DLC1: variants seen among roughly 807,000 people sequenced by gnomAD.
The protein encoded by DLC1 is DLC1 Rho GTPase activating protein.
A neutral mutation model predicts 140.3 loss-of-function variants in DLC1; 54 were observed. The observed-to-expected ratio is 0.38, with a 90% CI of 0.31 to 0.48. The LOEUF is 0.48. DLC1 is among the 20% of genes least tolerant of loss of function. The pLI is 0.96. For missense variants in DLC1, 2,536 were observed against 1,907.0 expected (o/e 1.33, Z -6.14); for synonymous variants, 986 against 728.1 (o/e 1.35, Z -5.70).
rs1832908305 is a variant in DLC1 at position 13,317,567 on chromosome 8, G to A, written c.1315-12265C>T. ...GAAAAGATAGAGACGAAATGGCTAT[G>A]GTCAGTATTTTTTTGACCAATATCA... On this transcript the variant is annotated intron_variant, in intron 4 of 17. Transcript: ENST00000276297. Among the ~76,000 whole-genome samples the A allele has an allele frequency of 2.0e-5, 3 of 152,092 alleles. No individual in the cohort carries two copies. The South Asian group carries it at 6.2e-4, about 32-fold the overall frequency.
intron 2 of DLC1, among the ~76,000 whole-genome samples, chr8:13,474,214 G>T (rs1800338275): frequency 6.6e-6 from 1 of 152,170 alleles, no homozygotes; most frequent in South Asian, 2.1e-4. Context: ...TGAATAAGAG[G>T]AGCCAAGGTA....
At chr8:13,542,445 T>C (rs932750167) in intron 1 of DLC1, among the ~76,000 whole-genome samples, 4 of 152,314 alleles carry the variant, frequency 2.6e-5, no homozygotes, top group South Asian at 2.1e-4. Flanking sequence ...GTCTTGACTA[T>C]TGTAACTGTA....
chr8:13,264,052 TTTTATTTATTTA>T (rs3065458), intron 5 of DLC1, among the ~76,000 whole-genome samples: 3 of 143,034 alleles, frequency 2.1e-5, no homozygotes, highest in South Asian at 2.3e-4. Context: ...ATAAGAAGCT[TTTTATTTATTTA>T]TTTATTTATT....
intron 1 of DLC1, among the ~76,000 whole-genome samples, chr8:13,524,289 C>T (rs1232637628): frequency 1.3e-5 from 2 of 151,674 alleles, no homozygotes; most frequent in African/African-American, 4.8e-5. Flanking sequence ...AGGTACCCAC[C>T]ACCATACCAA....
chr8:13,183,345 A>G (rs906955202), intron 5 of DLC1, among the ~76,000 whole-genome samples: 5 of 152,152 alleles, frequency 3.3e-5, no homozygotes, highest in Admixed American at 6.5e-5. Context: ...AGAACTTCCA[A>G]CACTAGGTTG....
intron 1 of DLC1, among the ~76,000 whole-genome samples, chr8:13,548,784 A>T (rs1803743129): frequency 6.6e-6 from 1 of 152,004 alleles, no homozygotes; most frequent in African/African-American, 2.4e-5. Flanking sequence ...AATCAAGCTT[A>T]TTTGGGTTGG....
intron 5 of DLC1, among the ~76,000 whole-genome samples, chr8:13,187,714 C>G (rs758857368): frequency 6.6e-6 from 1 of 152,150 alleles, no homozygotes; most frequent in Non-Finnish European, 1.5e-5. Flanking sequence ...GGAAATTAAT[C>G]AAAATCATCC....
intron 1 of DLC1, among the ~76,000 whole-genome samples, chr8:13,555,488 T>A (rs973966497): frequency 6.6e-6 from 1 of 152,066 alleles, no homozygotes; most frequent in Non-Finnish European, 1.5e-5. Flanking sequence ...CTTTTTAATT[T>A]TTTTAAATTT....
At chr8:13,097,601 A>C (rs1818613562) in intron 10 of DLC1, among the ~76,000 whole-genome samples, 1 of 152,196 alleles carries the variant, frequency 6.6e-6, no homozygotes, top group Non-Finnish European at 1.5e-5. Flanking sequence ...ATACGGTTAT[A>C]AGACCAGGTA....
intron 16 of DLC1, among the ~76,000 whole-genome samples, chr8:13,087,300 G>A (rs1393397139): frequency 6.6e-6 from 1 of 152,220 alleles, no homozygotes; most frequent in Non-Finnish European, 1.5e-5. Context: ...TACTTGGGAG[G>A]CTGAGGGGGG....
intron 1 of DLC1, among the ~76,000 whole-genome samples, chr8:13,551,077 T>TC (rs1803832701): frequency 2.8e-5 from 1 of 35,366 alleles, no homozygotes; most frequent in Non-Finnish European, 6.3e-5. Context: ...CACACACACT[T>TC]TTTTTTTTTT....
chr8:13,107,197 C>A (rs897769492), intron 7 of DLC1, among the ~76,000 whole-genome samples: 18 of 152,166 alleles, frequency 1.2e-4, no homozygotes, highest in South Asian at 4.1e-4. Flanking sequence ...TTGGTTATTG[C>A]CAAACTTTAT....
At chr8:13,468,790 A>G (rs1440660324) in intron 2 of DLC1, among the ~76,000 whole-genome samples, 1 of 91,482 alleles carries the variant, frequency 1.1e-5, no homozygotes, top group Admixed American at 1.1e-4. Context: ...GTTGTTGTTG[A>G]TTCTCCCAAT....
At chr8:13,328,178 T>A (rs1353723090) in intron 4 of DLC1, among the ~76,000 whole-genome samples, 1 of 152,014 alleles carries the variant, frequency 6.6e-6, no homozygotes, top group Non-Finnish European at 1.5e-5. Flanking sequence ...AGATAAATGA[T>A]GTGATTTGTG....
At chr8:13,271,673 AT>A (rs1488147465) in intron 5 of DLC1, among the ~76,000 whole-genome samples, 1 of 151,908 alleles carries the variant, frequency 6.6e-6, no homozygotes, top group African/African-American at 2.4e-5. Flanking sequence ...TCTCTTAAAT[AT>A]TTTTGTTTGT....
chr8:13,402,021 T>C (rs956520009), intron 2 of DLC1, among the ~76,000 whole-genome samples: 6 of 152,176 alleles, frequency 3.9e-5, no homozygotes, highest in Non-Finnish European at 7.4e-5. Context: ...GCATATGAGA[T>C]TATATTTTTG....
intron 2 of DLC1, among the ~76,000 whole-genome samples, chr8:13,455,902 AAAAT>A (rs1450387936): frequency 6.6e-6 from 1 of 152,202 alleles, no homozygotes; most frequent in African/African-American, 2.4e-5. Context: ...AAATACAAGA[AAAAT>A]AAATACAAAT....
In DLC1 at chr8:13,100,106, C is replaced by T. The variant is rs755516316; in HGVS notation, c.2231G>A (p.Ser744Asn). ...VSNSTQTSSS[S>N]SQSETSSAVS... is the part of the protein sequence containing the mutation. ...CGCGCTGCTGGTCTCCGACTGGCTG[C>T]TGCTGCTGCTGGTCTGCGTGGAGTT... Residue 744 changes from serine to asparagine, a missense_variant, in exon 9 of 18, where the codon AGC becomes AAC. Physicochemically the swap from Ser to Asn is conservative, Grantham distance 46. Transcript: ENST00000276297. The T allele has an allele frequency of 1.9e-6, 3 of 1,613,804 alleles. No individual in the cohort carries two copies. Among genetic ancestry groups the T allele is most frequent in the Non-Finnish European group, 2.5e-6 (3 of 1,179,972 alleles).
chr8:13,327,729 T>A (rs1390849374), intron 4 of DLC1, among the ~76,000 whole-genome samples: 1 of 152,232 alleles, frequency 6.6e-6, no homozygotes, highest in African/African-American at 2.4e-5. Context: ...ACTAGCGATA[T>A]TAGCAGTGAA....
Sources: allele counts gnomAD v4.1 joint callset (sites outside exome capture counted in the v4.1 genomes callset), GRCh38; gene constraint gnomAD v4.1.1; transcripts MANE v1.5; gene names NCBI Gene and HGNC (gene_info 2026-07-23, HGNC 2026-07-21).